The following VPS13D variants were observed in gnomAD, a reference collection of about 807,000 sequenced individuals.
VPS13D encodes intermembrane lipid transfer protein VPS13D.
Under a neutral mutation model 461.9 loss-of-function variants are expected in VPS13D, and 187 were observed. That is an observed-to-expected ratio of 0.40 (90% CI 0.36 to 0.46). VPS13D has a LOEUF of 0.46. Among genes scored for constraint, VPS13D ranks in the 20% least tolerant of loss-of-function variants. The pLI, the probability that VPS13D is intolerant of heterozygous loss-of-function variation, is 0.60. For missense variants in VPS13D, 4,711 were observed against 5,364.9 expected (o/e 0.88, Z 3.81); for synonymous variants, 1,951 against 1,986.3 (o/e 0.98, Z 0.47).
chr1:12,282,492 G>A (rs72866616), intron 20 of VPS13D, among the ~76,000 whole-genome samples: 2,145 of 152,284 alleles, frequency 0.014, 38 homozygotes, highest in African/African-American at 0.048. Context: ...CTTATTGTAT[G>A]TAGATTATTG....
intron 24 of VPS13D, 119 bp downstream of exon 24, chr1:12,293,823 G>A (rs1382394897): frequency 2.0e-5 from 20 of 1,021,818 alleles, no homozygotes; most frequent in African/African-American, 4.9e-5. Context: ...TATGTTCTCC[G>A]TGTAGATTAG....
At chr1:12,462,428 A>G (rs1410435522) in intron 67 of VPS13D, among the ~76,000 whole-genome samples, 1 of 152,256 alleles carries the variant, frequency 6.6e-6, no homozygotes, top group Admixed American at 6.5e-5. Context: ...GAAGGAACTT[A>G]TCTATGTGCC....
At chr1:12,372,718 T>G (rs1429142790) in intron 54 of VPS13D, among the ~76,000 whole-genome samples, 5 of 152,126 alleles carry the variant, frequency 3.3e-5, no homozygotes, top group African/African-American at 1.2e-4. Context: ...CACATATAAT[T>G]TATCTGCTTT....
intron 64 of VPS13D, among the ~76,000 whole-genome samples, chr1:12,415,729 T>A (rs1644785326): frequency 6.6e-6 from 1 of 152,244 alleles, no homozygotes; most frequent in South Asian, 2.1e-4. Context: ...TCAAATTTAA[T>A]AGCTTTCAAA....
intron 57 of VPS13D, among the ~76,000 whole-genome samples, chr1:12,381,958 C>CTT (rs1257266655): frequency 3.7e-5 from 5 of 134,916 alleles, no homozygotes; most frequent in Non-Finnish European, 6.3e-5. Flanking sequence ...TTCTTTCTTT[C>CTT]TTTCTTTCTT....
intron 65 of VPS13D, among the ~76,000 whole-genome samples, chr1:12,445,518 C>A (rs2100357962): frequency 6.6e-6 from 1 of 152,246 alleles, no homozygotes; most frequent in East Asian, 1.9e-4. Context: ...TTTTTAATGT[C>A]CTTTCCCAGG....
intron 68 of VPS13D, among the ~76,000 whole-genome samples, chr1:12,499,020 T>C (rs957082622): frequency 1.3e-5 from 2 of 152,034 alleles, no homozygotes; most frequent in Non-Finnish European, 2.9e-5. Context: ...GTGCCCAGAG[T>C]GCCCATCAGT....
chr1:12,405,198 G>T lies in VPS13D; in HGVS notation c.12030+1225G>T, dbSNP rs140379583. Among the ~76,000 whole-genome samples, 850 of 152,318 alleles carry T rather than the reference G, an allele frequency of 5.6e-3. 8 individuals carry two copies. The highest frequency in any genetic ancestry group is 0.019 in the African/African-American group (770 of 41,580). On this transcript the variant is annotated intron_variant, in intron 63 of 69. Coordinates refer to ENST00000620676, the MANE Select transcript of VPS13D (RefSeq NM_015378.4). ...GGGGCCGCCACAACCCGCTCCAGCC[G>T]CTTGCTGTCATGGAGGAATGTGAAC...
At chr1:12,454,335 G>A (rs373830992) in intron 65 of VPS13D, among the ~76,000 whole-genome samples, 1 of 152,204 alleles carries the variant, frequency 6.6e-6, no homozygotes, top group Non-Finnish European at 1.5e-5. Flanking sequence ...AGTGATTCAC[G>A]GTGCTAGCTT....
chr1:12,415,338 C>CT, intron 64 of VPS13D, 117 bp downstream of exon 64: 1 of 1,367,546 alleles, frequency 7.3e-7, no homozygotes, highest in South Asian at 1.3e-5. Context: ...CATTTCAACT[C>CT]TGTTGTGTTA....
intron 13 of VPS13D, among the ~76,000 whole-genome samples, chr1:12,264,287 C>G (rs1381432527): frequency 2.0e-5 from 3 of 152,134 alleles, no homozygotes; most frequent in Non-Finnish European, 4.4e-5. Flanking sequence ...TCTAAATGTT[C>G]AGGTGAAAGG....
chr1:12,331,747 C>T (rs1334151963), intron 37 of VPS13D, among the ~76,000 whole-genome samples: 1 of 150,630 alleles, frequency 6.6e-6, no homozygotes, highest in Non-Finnish European at 1.5e-5. Context: ...AATAATGGCC[C>T]AAGTCTTTCT....
chr1:12,500,006 G>T (rs568749261), intron 68 of VPS13D: 1 of 985,318 alleles, frequency 1.0e-6, no homozygotes, highest in Non-Finnish European at 1.2e-6. Context: ...TTAATACCTT[G>T]CTCTACTGTT....
intron 65 of VPS13D, among the ~76,000 whole-genome samples, chr1:12,420,185 T>C (rs1051314642): frequency 5.9e-5 from 9 of 152,254 alleles, no homozygotes; most frequent in African/African-American, 1.9e-4. Context: ...GGTCTATCAG[T>C]TGAATACCCA....
chr1:12,374,593 C>T (rs763606016), intron 55 of VPS13D, among the ~76,000 whole-genome samples: 19 of 151,986 alleles, frequency 1.3e-4, no homozygotes, highest in Admixed American at 1.2e-3. Flanking sequence ...GATTTTGTGG[C>T]GTGGTACGTT....
chr1:12,285,288 A>ATTTT (rs200200673), intron 21 of VPS13D, among the ~76,000 whole-genome samples: 23 of 145,076 alleles, frequency 1.6e-4, no homozygotes, highest in Admixed American at 8.9e-4. Flanking sequence ...TTATTTATTT[A>ATTTT]TTTATTTATT....
At chr1:12,425,279 C>G (rs987462706) in intron 65 of VPS13D, among the ~76,000 whole-genome samples, 1 of 151,902 alleles carries the variant, frequency 6.6e-6, no homozygotes, top group Admixed American at 6.6e-5. Context: ...GAAAGCAGGC[C>G]GGGCATGGTG....
In VPS13D at chr1:12,393,381, A is replaced by AT. The variant is rs1197364929; in HGVS notation, c.11635-6798dup. Reference sequence around the variant, plus strand: ...TGCTAGCTTTGCCAGCTGAAGGCAAATTGCTTCTGGTAGGCCTTGTGGACA... The same window carrying AT: ...TGCTAGCTTTGCCAGCTGAAGGCAAATTTGCTTCTGGTAGGCCTTGTGGACA... On this transcript the variant is annotated intron_variant, in intron 60 of 69. Transcript: ENST00000620676. Among the ~76,000 whole-genome samples the AT allele has an allele frequency of 1.1e-4, 17 of 152,254 alleles. No homozygotes were observed. The East Asian group carries it at 1.3e-3, about 12-fold the overall frequency.
At chr1:12,357,443 A>T (rs1460936036) in intron 49 of VPS13D, among the ~76,000 whole-genome samples, 1 of 152,216 alleles carries the variant, frequency 6.6e-6, no homozygotes, top group African/African-American at 2.4e-5. Flanking sequence ...AGGACTTGAC[A>T]TGTGTCACAC....
Sources: allele counts gnomAD v4.1 joint callset (sites outside exome capture counted in the v4.1 genomes callset), GRCh38; gene constraint gnomAD v4.1.1; transcripts MANE v1.5; gene names NCBI Gene and HGNC (gene_info 2026-07-23, HGNC 2026-07-21).